Variants in PIGK observed in about 807,000 individuals in gnomAD.
PIGK encodes the protein phosphatidylinositol glycan anchor biosynthesis class K.
A neutral mutation model predicts 50.6 loss-of-function variants in PIGK; 42 were observed. The observed-to-expected ratio is 0.83, with a 90% CI of 0.65 to 1.07. The LOEUF (loss-of-function observed/expected upper bound fraction) is 1.07. Ranked by LOEUF, PIGK falls within the 50% of genes least tolerant of loss-of-function variation. The pLI, the probability that PIGK is intolerant of heterozygous loss-of-function variation, is 0.00. For missense variants in PIGK, 448 were observed against 488.7 expected (o/e 0.92, Z 0.78); for synonymous variants, 151 against 156.0 (o/e 0.97, Z 0.24).
chr1:77,215,336 A>T (rs1656529036), intron 1 of PIGK, among the ~76,000 whole-genome samples: 2 of 152,270 alleles, frequency 1.3e-5, no homozygotes, highest in Middle Eastern at 6.8e-3. Flanking sequence ...CAATATCACT[A>T]ATCACCAAGG....
At chr1:77,188,358 G>A (rs945196749) in intron 3 of PIGK, among the ~76,000 whole-genome samples, 11 of 152,058 alleles carry the variant, frequency 7.2e-5, no homozygotes, top group Admixed American at 3.9e-4. Flanking sequence ...CTCTTATGTC[G>A]AAACTGCAGA....
Position 77,210,424 on chromosome 1 carries a change from C to T in PIGK, c.147+12G>A, listed in dbSNP as rs1359985906. 7 of 1,532,888 alleles carry T rather than the reference C, an allele frequency of 4.6e-6. No homozygotes were observed. In the East Asian group the frequency reaches 9.2e-5, roughly 20 times the overall value. 95.0% of individuals were successfully genotyped at this position (1,532,888 alleles called of 1,614,324 possible). A position where few individuals can be genotyped will look rare whatever the true frequency, so the allele number is the denominator to read the frequency against. On this transcript the variant is annotated intron_variant, in intron 2 of 10. Transcript: ENST00000370812. ...ATGTGAACAGCAAGGTATACTTTTA[C>T]AGTATACTTACCAGAACAGCCCAGT... is the stretch of plus-strand genomic sequence containing the variant.
chr1:77,211,593 C>A (rs1009342150), intron 1 of PIGK, among the ~76,000 whole-genome samples: 3 of 151,860 alleles, frequency 2.0e-5, no homozygotes, highest in Non-Finnish European at 4.4e-5. Context: ...ATATAATCTC[C>A]CTACATCCTC....
At chr1:77,158,692 G>A (rs1182567774) in intron 8 of PIGK, among the ~76,000 whole-genome samples, 2 of 152,112 alleles carry the variant, frequency 1.3e-5, no homozygotes, top group African/African-American at 4.8e-5. Flanking sequence ...AGAGATCTGT[G>A]GAACTTCGAA....
intron 3 of PIGK, chr1:77,195,238 C>A: frequency 2.4e-6 from 3 of 1,246,238 alleles, no homozygotes; most frequent in Non-Finnish European, 3.5e-6. Flanking sequence ...GGCAGGGCGA[C>A]CTGCAGCTGT....
At chr1:77,167,054 AAAG>A (rs1325780567) in intron 4 of PIGK, among the ~76,000 whole-genome samples, 10 of 152,240 alleles carry the variant, frequency 6.6e-5, no homozygotes, top group African/African-American at 2.4e-4. Flanking sequence ...AAAAACTAAC[AAAG>A]AAGGCAGGCC....
intron 9 of PIGK, among the ~76,000 whole-genome samples, chr1:77,132,974 A>C (rs1398682621): frequency 6.6e-6 from 1 of 152,054 alleles, no homozygotes; most frequent in Non-Finnish European, 1.5e-5. Flanking sequence ...CAGCATTTTG[A>C]CTATGATGTG....
chr1:77,172,766 A>G (rs1655395998), intron 3 of PIGK, among the ~76,000 whole-genome samples: 1 of 152,054 alleles, frequency 6.6e-6, no homozygotes, highest in African/African-American at 2.4e-5. Context: ...TACAAAAAAT[A>G]CAAAAAAATT....
Position 77,196,336 on chromosome 1 carries a change from T to C in PIGK, c.239+10304A>G, listed in dbSNP as rs189402405. Among the ~76,000 whole-genome samples the C allele has an allele frequency of 3.3e-5, 5 of 152,296 alleles. No individual in the cohort carries two copies. The East Asian group carries it at 9.6e-4, about 29-fold the overall frequency. Reference sequence around the variant, plus strand: ...GTAGAACAATTTATATTCCTTTGGGTAGGTGCCCAATAATGGGATTGGTGG... The same window carrying C: ...GTAGAACAATTTATATTCCTTTGGGCAGGTGCCCAATAATGGGATTGGTGG... On this transcript the variant is annotated intron_variant, in intron 3 of 10. Coordinates refer to ENST00000370812, the MANE Select transcript of PIGK (RefSeq NM_005482.3).
rs898707878 is a variant in PIGK at position 77,091,967 on chromosome 1, G to A, written c.*407C>T. 1 of 153,300 alleles carries A rather than the reference G, an allele frequency of 6.5e-6. No individual in the cohort carries two copies. The highest frequency in any genetic ancestry group is 2.4e-5 in the African/African-American group (1 of 41,372). 9.5% of individuals were successfully genotyped at this position (153,300 alleles called of 1,614,324 possible). ...TACATTCCATATGATCTCCATATTG[G>A]GAAAAAATATGTGCATAAGTCAAAA... On this transcript the variant is annotated 3_prime_UTR_variant, in exon 11 of 11. Transcript: ENST00000370812.
Position 77,166,809 on chromosome 1 carries a change from G to T in PIGK, c.397C>A (p.Arg133=). ...SYEVTVENFL[R]VLTGRIPPST... ...GGTGGGATCCTCCCAGTTAATACCCGTAAAAAATTCTCCACAGTTACCTAA... is the reference window on the plus strand; with the variant it reads ...GGTGGGATCCTCCCAGTTAATACCCTTAAAAAATTCTCCACAGTTACCTAA... Residue 133 remains arginine, a synonymous_variant, in exon 5 of 11, where the codon CGG becomes AGG. Transcript: ENST00000370812. 1.3e-6 allele frequency: 2 copies of T among 1,584,424 alleles called. No individual in the cohort carries two copies. The highest frequency in any genetic ancestry group is 1.7e-6 in the Non-Finnish European group (2 of 1,160,016).
intron 10 of PIGK, among the ~76,000 whole-genome samples, chr1:77,097,168 C>T (rs956430125): frequency 6.6e-6 from 1 of 152,016 alleles, no homozygotes; most frequent in Non-Finnish European, 1.5e-5. Flanking sequence ...GGCATAAGAA[C>T]AGCATGACGG....
intron 3 of PIGK, chr1:77,194,857 C>T (rs1557820722): frequency 2.6e-5 from 10 of 391,818 alleles, no homozygotes; most frequent in Admixed American, 1.4e-4. Context: ...CACTGAGAAA[C>T]GGAAAAAGAA....
At chr1:77,099,712 A>G (rs963151275) in intron 10 of PIGK, among the ~76,000 whole-genome samples, 1 of 152,156 alleles carries the variant, frequency 6.6e-6, no homozygotes, top group Non-Finnish European at 1.5e-5. Context: ...TGGTATAATT[A>G]TTGCATTTGG....
chr1:77,149,997 G>C (rs1654858200), intron 9 of PIGK, among the ~76,000 whole-genome samples: 1 of 151,280 alleles, frequency 6.6e-6, no homozygotes, highest in African/African-American at 2.4e-5. Context: ...ATAACAAATG[G>C]GTCAATGGAG....
At chr1:77,112,191 A>T (rs1243935840) in intron 10 of PIGK, among the ~76,000 whole-genome samples, 1 of 135,828 alleles carries the variant, frequency 7.4e-6, no homozygotes, top group East Asian at 2.0e-4. Context: ...ATAAAATGTG[A>T]CTTTTCTGAC....
At chr1:77,093,551 G>A (rs149432664) in intron 10 of PIGK, among the ~76,000 whole-genome samples, 1 of 152,154 alleles carries the variant, frequency 6.6e-6, no homozygotes, top group Non-Finnish European at 1.5e-5. Context: ...AAACTAAAAG[G>A]AAAGAAAGCT....
chr1:77,129,740 T>A, intron 9 of PIGK: 1 of 803,556 alleles, frequency 1.2e-6, no homozygotes, highest in South Asian at 2.6e-5. Flanking sequence ...TAAATAAATA[T>A]TTACTATCTG....
At chr1:77,140,112 G>A (rs1029127594) in intron 9 of PIGK, among the ~76,000 whole-genome samples, 1 of 152,148 alleles carries the variant, frequency 6.6e-6, no homozygotes, top group Admixed American at 6.5e-5. Context: ...TGCTGGAGGT[G>A]GTGCCTGATG....
Sources: gnomAD v4.1 joint callset for allele counts (sites outside exome capture counted in the v4.1 genomes callset) on GRCh38, gnomAD v4.1.1 for gene constraint, MANE v1.5 for transcripts, NCBI Gene and HGNC (gene_info 2026-07-23, HGNC 2026-07-21) for gene names.